Variants in PCDH7 observed in about 807,000 individuals in gnomAD.
PCDH7 encodes protocadherin 7.
PCDH7 carries 17 observed loss-of-function variants against 58.9 expected under a neutral mutation model. That is an observed-to-expected ratio of 0.29 (90% CI 0.20 to 0.43). The LOEUF (loss-of-function observed/expected upper bound fraction) is 0.43, where lower values mean the gene tolerates loss of function less well. Among genes scored for constraint, PCDH7 ranks in the 20% least tolerant of loss-of-function variants. The pLI is 1.00. For synonymous variants in PCDH7, 664 were observed against 616.4 expected, an observed-to-expected ratio of 1.08 and a Z score of -1.14; for missense variants, 1,274 against 1,441.0, an observed-to-expected ratio of 0.88 and a Z score of 1.88.
intron 1 of PCDH7, among the ~76,000 whole-genome samples, chr4:30,850,656 A>G (rs1435850209): frequency 6.6e-6 from 1 of 152,020 alleles, no homozygotes. Context: ...TTTGGTGTCC[A>G]TATTTGAGGC....
intron 1 of PCDH7, among the ~76,000 whole-genome samples, chr4:30,856,994 G>T (rs1733549255): frequency 6.6e-6 from 1 of 151,720 alleles, no homozygotes; most frequent in African/African-American, 2.4e-5. Flanking sequence ...AGAGAACAGT[G>T]GTAGTGGTGG....
At chr4:31,055,583 G>A (rs552113636) in intron 3 of PCDH7, among the ~76,000 whole-genome samples, 1 of 151,452 alleles carries the variant, frequency 6.6e-6, no homozygotes, top group South Asian at 2.1e-4. Flanking sequence ...TTATTTTTTT[G>A]TTTTTTTGTT....
At position 30,921,054 on chromosome 4, in the gene PCDH7, C is replaced by T. The variant is rs377548990; in HGVS notation, c.287+685C>T. Among the ~76,000 whole-genome samples, 89 of 152,128 alleles carry T rather than the reference C, an allele frequency of 5.9e-4. 3 individuals carry two copies. In the East Asian group the frequency reaches 0.016, roughly 27 times the overall value. Reference sequence around the variant, plus strand: ...CCACAATTGGCCTTGTATACATTTTCTTTTAAGTTATACATTTAGATTGCA... The same window carrying T: ...CCACAATTGGCCTTGTATACATTTTTTTTTAAGTTATACATTTAGATTGCA... On this transcript the variant is annotated intron_variant, in intron 2 of 3. Coordinates refer to the PCDH7 transcript ENST00000509759.
chr4:31,014,888 T>C lies in PCDH7; in HGVS notation c.*7+64673T>C, dbSNP rs554252705. Among the ~76,000 whole-genome samples, 213 of 152,302 alleles carry C rather than the reference T, an allele frequency of 1.4e-3. 1 individual carries two copies. Among genetic ancestry groups the C allele is most frequent in the Non-Finnish European group, 2.5e-3 (167 of 68,016 alleles). On this transcript the variant is annotated intron_variant, in intron 3 of 3. Transcript: ENST00000509759. ...GGATTTACCCCTACCTGGCAAATAC[T>C]TGTTTATTTATGTGTTTGTTTCTTA...
At chr4:30,839,864 T>A (rs1302396685) in intron 1 of PCDH7, among the ~76,000 whole-genome samples, 1 of 152,148 alleles carries the variant, frequency 6.6e-6, no homozygotes, top group African/African-American at 2.4e-5. Context: ...TATCTATTGC[T>A]GACTCATGCA....
At chr4:30,736,285 C>T (rs1489152433), downstream of PCDH7, among the ~76,000 whole-genome samples, 3 of 151,986 alleles carry the variant, frequency 2.0e-5, no homozygotes, top group South Asian at 4.2e-4. Context: ...GCTCTCCTAC[C>T]CCATACTGGT....
intron 3 of PCDH7, among the ~76,000 whole-genome samples, chr4:31,014,510 C>T (rs2109157628): frequency 6.6e-6 from 1 of 152,184 alleles, no homozygotes; most frequent in Non-Finnish European, 1.5e-5. Context: ...CTGGACTGAA[C>T]TGAGCAGAAG....
chr4:30,934,042 A>G (rs1745022063), intron 2 of PCDH7, among the ~76,000 whole-genome samples: 1 of 152,204 alleles, frequency 6.6e-6, no homozygotes, highest in Non-Finnish European at 1.5e-5. Context: ...AGTGTGATCA[A>G]TTGTATTCAG....
intron 1 of PCDH7, among the ~76,000 whole-genome samples, chr4:30,807,435 C>T (rs755931360): frequency 6.6e-6 from 1 of 152,166 alleles, no homozygotes; most frequent in South Asian, 2.1e-4. Context: ...TGGACCAGGA[C>T]ATTGACCATG....
intron 3 of PCDH7, among the ~76,000 whole-genome samples, chr4:30,957,517 T>A (rs1747981083): frequency 6.6e-6 from 1 of 152,138 alleles, no homozygotes; most frequent in African/African-American, 2.4e-5. Flanking sequence ...AGGATAAGCT[T>A]GGCCGAAATG....
intron 3 of PCDH7, among the ~76,000 whole-genome samples, chr4:31,099,753 T>C (rs2109298723): frequency 6.6e-6 from 1 of 152,244 alleles, no homozygotes; most frequent in South Asian, 2.1e-4. Context: ...CTTCTTTCAT[T>C]CCTAAACCTG....
At position 30,786,021 on chromosome 4, in the gene PCDH7, T is replaced by G. The variant is rs142854595; in HGVS notation, c.70+61425T>G. On this transcript the variant is annotated intron_variant, in intron 1 of 3. Transcript: ENST00000509759. Reference sequence around the variant, plus strand: ...AGTTCAGAGAAATATTTAACACTATTTAAAACTGACATTAGCACCAAAATA... The same window carrying G: ...AGTTCAGAGAAATATTTAACACTATGTAAAACTGACATTAGCACCAAAATA... Among the ~76,000 whole-genome samples, 592 of 152,186 alleles carry G rather than the reference T, an allele frequency of 3.9e-3. 7 individuals carry two copies. The highest frequency in any genetic ancestry group is 0.013 in the African/African-American group (528 of 41,558).
At chr4:31,009,447 T>C (rs1753014137) in intron 3 of PCDH7, among the ~76,000 whole-genome samples, 1 of 151,262 alleles carries the variant, frequency 6.6e-6, no homozygotes. Context: ...ATTATATATT[T>C]TTGTTAAAGA....
At chr4:31,034,393 A>C (rs1755211831) in intron 3 of PCDH7, among the ~76,000 whole-genome samples, 1 of 152,342 alleles carries the variant, frequency 6.6e-6, no homozygotes, top group Admixed American at 6.5e-5. Flanking sequence ...AATATACTTT[A>C]ACAATAATTA....
intron 3 of PCDH7, among the ~76,000 whole-genome samples, chr4:30,950,962 C>T (rs1044274760): frequency 1.3e-5 from 2 of 152,100 alleles, no homozygotes; most frequent in Admixed American, 6.6e-5. Context: ...AGGAAGCACC[C>T]GCCTTCTTGA....
At position 30,893,947 on chromosome 4, in the gene PCDH7, G is replaced by A. The variant is rs528249028; in HGVS notation, c.71-26206G>A. On this transcript the variant is annotated intron_variant, in intron 1 of 3. Coordinates refer to the PCDH7 transcript ENST00000509759. ...ATTTGTCTGTCAAATATGGTACAGG[G>A]AGGCCACCAATGGCTAAAGCCATTC... Among the ~76,000 whole-genome samples the A allele has an allele frequency of 2.0e-4, 30 of 152,176 alleles. No homozygotes were observed. In the East Asian group the frequency reaches 4.1e-3, roughly 21 times the overall value.
chr4:30,888,985 AACCTGGGCAATACAGTGAG>A (rs1471226209), intron 1 of PCDH7, among the ~76,000 whole-genome samples: 14 of 152,032 alleles, frequency 9.2e-5, no homozygotes, highest in Non-Finnish European at 1.9e-4. Flanking sequence ...GTTCAAGAGC[AACCTGGGCAATACAGTGAG>A]ACCTCATCCC....
At chr4:30,967,654 A>C (rs796966246) in intron 3 of PCDH7, among the ~76,000 whole-genome samples, 4 of 152,236 alleles carry the variant, frequency 2.6e-5, no homozygotes, top group African/African-American at 9.6e-5. Context: ...CGCTCCCATG[A>C]AATTTATGTT....
chr4:30,978,361 A>G (rs1750258312), intron 3 of PCDH7, among the ~76,000 whole-genome samples: 1 of 152,162 alleles, frequency 6.6e-6, no homozygotes, highest in Non-Finnish European at 1.5e-5. Flanking sequence ...TACTATTTCC[A>G]CACTGAAATT....
Sources: gnomAD v4.1 joint callset for allele counts (sites outside exome capture counted in the v4.1 genomes callset) on GRCh38, gnomAD v4.1.1 for gene constraint, MANE v1.5 for transcripts, NCBI Gene and HGNC (gene_info 2026-07-23, HGNC 2026-07-21) for gene names.